Variants in ASCL3 observed in about 807,000 individuals in gnomAD.
ASCL3 encodes the protein achaete-scute family bHLH transcription factor 3.
A neutral mutation model predicts 2.3 loss-of-function variants in ASCL3; 1 was observed. That is an observed-to-expected ratio of 0.44 (90% CI 0.16 to 2.10). ASCL3 has a LOEUF of 2.10. ASCL3 is among the 30% of genes most tolerant of loss of function. The pLI is 0.28. For missense variants in ASCL3, 243 were observed against 229.0 expected, an observed-to-expected ratio of 1.06 and a Z score of -0.40; for synonymous variants, 98 against 88.5, an observed-to-expected ratio of 1.11 and a Z score of -0.60.
Position 8,937,826 on chromosome 11 carries a change from G to A in ASCL3, c.336C>T (p.Gly112=), listed in dbSNP as rs1316192661. Residue 112 remains glycine (G), a synonymous_variant, in exon 2 of 2, where the codon GGC becomes GGT. Transcript: ENST00000531618. ...ERQRVKCVNE[G]YAQLRHHLPE... is the part of the protein sequence containing the mutation. ...GCAGATGATGGCGGAGCTGGGCGTA[G>A]CCTTCATTGACACATTTCACCCGCT... 6.2e-7 allele frequency: 1 copy of A among 1,614,110 alleles called. No homozygotes were observed. The highest frequency in any genetic ancestry group is 8.5e-7 in the Non-Finnish European group (1 of 1,180,006).
Position 8,938,031 on chromosome 11 carries a change from G to T in ASCL3, c.131C>A (p.Pro44Gln). The T allele has an allele frequency of 2.5e-6, 4 of 1,613,420 alleles. No homozygotes were observed. Among genetic ancestry groups the T allele is most frequent in the Non-Finnish European group, 3.4e-6 (4 of 1,179,452 alleles). ...CTCCTCAGAGTAAGGGGATGACACC[G>T]GGGCCTCTGGGTGCACGTGGAAAGT... ...MVTFHVHPEAPVSSPYSEELP... is the reference protein window; with the variant it reads ...MVTFHVHPEAQVSSPYSEELP... The change falls in exon 2 of 2, where the codon CCG (proline) becomes CAG (glutamine). Residue 44 changes from proline to glutamine, a missense_variant. Transcript: ENST00000531618.
chr11:8,942,770 C>T (rs1364013545), intron 1 of ASCL3, among the ~76,000 whole-genome samples: 1 of 152,058 alleles, frequency 6.6e-6, no homozygotes, highest in Non-Finnish European at 1.5e-5. Flanking sequence ...ACCTAGTGTC[C>T]CGACTTCCAA....
Position 8,937,942 on chromosome 11 carries a change from AG to A in ASCL3, c.219del (p.Phe74SerfsTer33). 1 of 1,614,082 alleles carries A rather than the reference AG, an allele frequency of 6.2e-7. No individual in the cohort carries two copies. The highest frequency in any genetic ancestry group is 8.5e-7 in the Non-Finnish European group (1 of 1,179,956). ...TTTGGATAAGGCATCGGGAAAGAGA[AG>A]GGGCAGGGTTCACTGTAATTTCCCA... ...LILGNYSEPCPFSFPMPYPNY... is the reference protein window; with the variant it reads ...LILGNYSEPCXFSFPMPYPNY... On this transcript the variant is annotated frameshift_variant, in exon 2 of 2. Transcript: ENST00000531618. LOFTEE classifies it high-confidence loss of function.
At chr11:8,938,244 A>G (rs922608688) in intron 1 of ASCL3, 71 bp from the exon 2 acceptor site, 54 of 1,298,368 alleles carry the variant, frequency 4.2e-5, no homozygotes, top group Admixed American at 1.4e-4. Flanking sequence ...TTGGAGATCA[A>G]TGTTTTATTT....
At chr11:8,938,589 A>G (rs1195977341) in intron 1 of ASCL3, among the ~76,000 whole-genome samples, 4 of 151,822 alleles carry the variant, frequency 2.6e-5, no homozygotes, top group African/African-American at 9.7e-5. Flanking sequence ...TTGATGACCA[A>G]TTTCTGAGCT....
chr11:8,941,026 C>T (rs1480473934), intron 1 of ASCL3, among the ~76,000 whole-genome samples: 1 of 152,028 alleles, frequency 6.6e-6, no homozygotes, highest in Non-Finnish European at 1.5e-5. Context: ...TATAATGCAC[C>T]CAGCATTTGC....
chr11:8,938,286 G>C (rs891939716), intron 1 of ASCL3, 113 bp from the exon 2 acceptor site: 14 of 1,010,718 alleles, frequency 1.4e-5, no homozygotes, highest in Non-Finnish European at 2.0e-5. Context: ...GTCTGGCTCT[G>C]TTGCCCAGGC....
rs2064685638 is a variant in ASCL3 at position 8,937,705 on chromosome 11, T to A, written c.457A>T (p.Lys153Ter). Residue 153 changes from lysine to a stop codon, truncating the protein, a stop_gained, in exon 2 of 2, where the codon AAA becomes TAA. Coordinates refer to ENST00000531618, the MANE Select transcript of ASCL3 (RefSeq NM_020646.3). LOFTEE classifies it low-confidence loss of function (END_TRUNC). ...NYLQSLLYPD[K>*]AETKNNPGKV... ...CCAGGGTTATTCTTGGTCTCAGCTT[T>A]ATCAGGGTACAGAAGAGACTGCAGG... 6.2e-7 allele frequency: 1 copy of A among 1,613,978 alleles called. No individual in the cohort carries two copies. The highest frequency in any genetic ancestry group is 1.3e-5 in the African/African-American group (1 of 74,912).
intron 1 of ASCL3, among the ~76,000 whole-genome samples, chr11:8,940,699 C>T (rs1853682020): frequency 6.6e-6 from 1 of 152,156 alleles, no homozygotes; most frequent in African/African-American, 2.4e-5. Context: ...AGCTCCACAT[C>T]TGTGTATTCA....
intron 1 of ASCL3, among the ~76,000 whole-genome samples, chr11:8,938,595 G>A (rs2064692037): frequency 2.6e-5 from 4 of 151,954 alleles, no homozygotes. Context: ...ACCAATTTCT[G>A]AGCTCATGTG....
intron 1 of ASCL3, among the ~76,000 whole-genome samples, chr11:8,942,033 T>C (rs1238069129): frequency 2.0e-5 from 3 of 152,136 alleles, no homozygotes; most frequent in Non-Finnish European, 1.5e-5. Flanking sequence ...TATACAAAAA[T>C]CGTTCTTTTG....
At chr11:8,940,635 AG>A in intron 1 of ASCL3, among the ~76,000 whole-genome samples, 1 of 152,254 alleles carries the variant, frequency 6.6e-6, no homozygotes, top group African/African-American at 2.4e-5. Context: ...ACTATTCTGC[AG>A]GGTGGTTGTG....
chr11:8,939,663 TAAAA>T (rs1183136698), intron 1 of ASCL3, among the ~76,000 whole-genome samples: 1 of 152,028 alleles, frequency 6.6e-6, no homozygotes, highest in African/African-American at 2.4e-5. Context: ...GACATGCAAA[TAAAA>T]AAAGTGTGGG....
At chr11:8,940,121 G>A (rs1413094910) in intron 1 of ASCL3, among the ~76,000 whole-genome samples, 1 of 151,380 alleles carries the variant, frequency 6.6e-6, no homozygotes. Flanking sequence ...AGGACTGCAG[G>A]TGTGCACTAC....
At chr11:8,938,729 A>G (rs990144213) in intron 1 of ASCL3, among the ~76,000 whole-genome samples, 8 of 151,792 alleles carry the variant, frequency 5.3e-5, no homozygotes, top group Non-Finnish European at 1.2e-4. Context: ...TTCTTTTTCA[A>G]TCCTTGTGGT....
At chr11:8,938,799 C>A (rs1054844521) in intron 1 of ASCL3, among the ~76,000 whole-genome samples, 20 of 130,342 alleles carry the variant, frequency 1.5e-4, no homozygotes, top group Admixed American at 1.4e-3. Flanking sequence ...CACTAGAATT[C>A]TTTTTTTTTT....
intron 1 of ASCL3, 121 bp from the exon 2 acceptor site, chr11:8,938,294 G>A: frequency 1.1e-6 from 1 of 910,348 alleles, no homozygotes; most frequent in Non-Finnish European, 1.6e-6. Flanking sequence ...CTGTTGCCCA[G>A]GCTGGAGTGC....
Position 8,937,904 on chromosome 11 carries a change from G to A in ASCL3, c.258C>T (p.Cys86=), listed in dbSNP as rs201512605. 8.1e-6 allele frequency: 13 copies of A among 1,614,040 alleles called. No homozygotes were observed. Among genetic ancestry groups the A allele is most frequent in the Middle Eastern group, 1.7e-4 (1 of 6,058 alleles). Residue 86 remains cysteine (C), a synonymous_variant, in exon 2 of 2, where the codon TGC becomes TGT. Coordinates refer to ENST00000531618, the MANE Select transcript of ASCL3 (RefSeq NM_020646.3). The part of the protein sequence containing the change: ...FPMPYPNYRG[C]EYSYGPAFTR... Reference sequence around the variant, plus strand: ...TGAAGGCTGGCCCGTAGGAGTACTCGCACCCTCTGTAATTTGGATAAGGCA... The same window carrying A: ...TGAAGGCTGGCCCGTAGGAGTACTCACACCCTCTGTAATTTGGATAAGGCA...
chr11:8,938,020 G>T lies in ASCL3; in HGVS notation c.142C>A (p.Pro48Thr), dbSNP rs2134847857. Reference sequence around the variant, plus strand: ...AGCCGTGGCAGCTCCTCAGAGTAAGGGGATGACACCGGGGCCTCTGGGTGC... The same window carrying T: ...AGCCGTGGCAGCTCCTCAGAGTAAGTGGATGACACCGGGGCCTCTGGGTGC... Reference protein sequence around the residue: ...HVHPEAPVSSPYSEELPRLPF... With the variant: ...HVHPEAPVSSTYSEELPRLPF... The change falls in exon 2 of 2, where the codon CCT becomes ACT. Residue 48 changes from proline to threonine, a missense_variant. By Grantham distance (38) the Pro-to-Thr change is conservative. Coordinates refer to ENST00000531618, the MANE Select transcript of ASCL3 (RefSeq NM_020646.3). 6.2e-7 allele frequency: 1 copy of T among 1,613,978 alleles called. No homozygotes were observed. Among genetic ancestry groups the T allele is most frequent in the East Asian group, 2.2e-5 (1 of 44,876 alleles).
Sources: gnomAD v4.1 joint callset for allele counts (sites outside exome capture counted in the v4.1 genomes callset) on GRCh38, gnomAD v4.1.1 for gene constraint, MANE v1.5 for transcripts, NCBI Gene and HGNC (gene_info 2026-07-23, HGNC 2026-07-21) for gene names.